Variants in CHRNA5 observed in about 807,000 individuals in gnomAD.
CHRNA5 encodes neuronal acetylcholine receptor subunit alpha-5.
Under a neutral mutation model 41.2 loss-of-function variants are expected in CHRNA5, and 28 were observed. The observed-to-expected ratio is 0.68, with a 90% CI of 0.50 to 0.93. CHRNA5 has a LOEUF of 0.93. Ranked by LOEUF, CHRNA5 falls within the 40% of genes least tolerant of loss-of-function variation. CHRNA5 has a pLI of 0.00. For synonymous variants in CHRNA5, 188 were observed against 205.8 expected (o/e 0.91, Z 0.74); for missense variants, 481 against 581.9 (o/e 0.83, Z 1.78).
At position 78,590,920 on chromosome 15, in the gene CHRNA5, C is replaced by T. The variant is rs2053007320; in HGVS notation, c.1245+284C>T. The T allele has an allele frequency of 8.2e-6, 3 of 364,618 alleles. No individual in the cohort carries two copies. The South Asian group carries it at 1.1e-4, about 13-fold the overall frequency. The allele number at this position is 364,618 out of a possible 1,614,324, so 22.6% of individuals were successfully genotyped here. ...TTAGTGTTATATTCTAAGGAATAAT[C>T]CTGCCATATTTCTTGGCTCTGACCT... On this transcript the variant is annotated intron_variant, in intron 5 of 5. Coordinates refer to ENST00000299565, the Ensembl canonical transcript of CHRNA5.
chr15:78,579,089 GAA>G (rs1394814866), intron 1 of CHRNA5, among the ~76,000 whole-genome samples: 1 of 149,452 alleles, frequency 6.7e-6, no homozygotes, highest in Non-Finnish European at 1.5e-5. Context: ...TTTTTTTGAA[GAA>G]ACAAGTTTCT....
chr15:78,579,903 A>G (rs992170884), intron 1 of CHRNA5, among the ~76,000 whole-genome samples: 5 of 152,210 alleles, frequency 3.3e-5, no homozygotes, highest in South Asian at 2.1e-4. Flanking sequence ...GCAGTTTTAT[A>G]CAAATGTATA....
chr15:78,568,301 A>G (rs1021517147), intron 1 of CHRNA5, among the ~76,000 whole-genome samples: 1 of 152,174 alleles, frequency 6.6e-6, no homozygotes, highest in Non-Finnish European at 1.5e-5. Context: ...TAGTACATCA[A>G]GATAATACAA....
chr15:78,587,236 G>A (rs1023485945), intron 3 of CHRNA5, among the ~76,000 whole-genome samples: 2 of 152,124 alleles, frequency 1.3e-5, no homozygotes, highest in African/African-American at 4.8e-5. Flanking sequence ...TTCTAGTGGG[G>A]GAAAAATAAA....
At chr15:78,574,015 A>C (rs1886152505) in intron 1 of CHRNA5, among the ~76,000 whole-genome samples, 1 of 129,358 alleles carries the variant, frequency 7.7e-6, no homozygotes, top group East Asian at 2.2e-4. Context: ...GGGTTTCACC[A>C]TGTTGGCCAG....
chr15:78,592,784 GAATA>G, intron 5 of CHRNA5, among the ~76,000 whole-genome samples: 1 of 152,148 alleles, frequency 6.6e-6, no homozygotes, highest in East Asian at 1.9e-4. Context: ...TATATAGTAA[GAATA>G]ATTTTTTTTA....
chr15:78,589,828 C>G (rs1321014916), exon 5 of CHRNA5: 1 of 1,596,416 alleles, frequency 6.3e-7, no homozygotes, highest in African/African-American at 1.4e-5. Context: ...TTTGAAGGGA[C>G]CAGTACGAAA....
At chr15:78,573,531 CGAATT>C (rs1458330848) in intron 1 of CHRNA5, among the ~76,000 whole-genome samples, 3 of 152,160 alleles carry the variant, frequency 2.0e-5, no homozygotes, top group Non-Finnish European at 2.9e-5. Context: ...GTTGAATTAA[CGAATT>C]GAACAAGATA....
chr15:78,582,484 CAAAAA>C (rs1226351992), intron 2 of CHRNA5, among the ~76,000 whole-genome samples: 3 of 103,002 alleles, frequency 2.9e-5, no homozygotes, highest in Non-Finnish European at 6.1e-5. Flanking sequence ...GACTCTGTCT[CAAAAA>C]AAAAAAGAAA....
At chr15:78,573,541 A>C (rs1392344712) in intron 1 of CHRNA5, among the ~76,000 whole-genome samples, 1 of 152,256 alleles carries the variant, frequency 6.6e-6, no homozygotes, top group Non-Finnish European at 1.5e-5. Flanking sequence ...CGAATTGAAC[A>C]AGATATCACG....
chr15:78,593,413 GTTGGCTGTATGACTGAAGTAA>G (rs1195602419), exon 6 of CHRNA5: 28 of 625,546 alleles, frequency 4.5e-5, no homozygotes, highest in Non-Finnish European at 6.2e-5. Flanking sequence ...CATTTGAACA[GTTGGCTGTATGACTGAAGTAA>G]TAACTGATGA....
At chr15:78,592,520 T>C (rs553388017) in intron 5 of CHRNA5, among the ~76,000 whole-genome samples, 36 of 152,248 alleles carry the variant, frequency 2.4e-4, no homozygotes, top group African/African-American at 8.4e-4. Context: ...TTCTTTTTCC[T>C]TGTGGTGGCT....
chr15:78,567,966 CTG>C (rs1284923282), intron 1 of CHRNA5, among the ~76,000 whole-genome samples: 4 of 152,198 alleles, frequency 2.6e-5, no homozygotes, highest in East Asian at 3.8e-4. Context: ...CACTCGCTGT[CTG>C]TGTTTCCTTG....
chr15:78,592,150 T>A (rs1222542705), intron 5 of CHRNA5, among the ~76,000 whole-genome samples: 10 of 152,084 alleles, frequency 6.6e-5, no homozygotes, highest in Non-Finnish European at 1.5e-4. Context: ...GGTGAAACAC[T>A]GTCTCTCCTA....
intron 1 of CHRNA5, among the ~76,000 whole-genome samples, chr15:78,573,427 T>C (rs143391126): frequency 5.2e-4 from 79 of 152,328 alleles, no homozygotes; most frequent in African/African-American, 1.8e-3. Flanking sequence ...ATGCAAGTTT[T>C]TACCCCAGGA....
chr15:78,574,400 C>T (rs1323371798), intron 1 of CHRNA5, among the ~76,000 whole-genome samples: 2 of 144,788 alleles, frequency 1.4e-5, no homozygotes, highest in Non-Finnish European at 3.1e-5. Context: ...AAAAAAAAAT[C>T]CTCAGGTATC....
chr15:78,583,673 C>T lies in CHRNA5; in HGVS notation c.258+2711C>T, dbSNP rs185062111. 2.0e-3 allele frequency among the ~76,000 whole-genome samples: 299 copies of T among 147,606 alleles called. 1 individual carries two copies. Among genetic ancestry groups the T allele is most frequent in the African/African-American group, 7.1e-3 (282 of 39,780 alleles). ...TTGCGCCACTGCACTCCAGCCTGGG[C>T]GACAGAGCGAGACTCTGTCTCAAAA... On this transcript the variant is annotated intron_variant, in intron 2 of 5. Transcript: ENST00000299565.
chr15:78,588,202 G>T lies in CHRNA5; in HGVS notation c.304-112G>T. 3 of 540,572 alleles carry T rather than the reference G, an allele frequency of 5.5e-6. No homozygotes were observed. Among genetic ancestry groups the T allele is most frequent in the Non-Finnish European group, 6.6e-6 (2 of 301,810 alleles). 33.5% of individuals were successfully genotyped at this position (540,572 alleles called of 1,614,324 possible). On this transcript the variant is annotated intron_variant, in intron 3 of 5. Coordinates refer to ENST00000299565, the Ensembl canonical transcript of CHRNA5. The surrounding 1 kb of genome is among the most constrained non-coding windows in gnomAD (Gnocchi z 4.1). ...AAAGACAGGGAGGTGTTCTCTATTGGGGGTAGAGATGATCTCATGTCTAAA... is the reference window on the plus strand; with the variant it reads ...AAAGACAGGGAGGTGTTCTCTATTGTGGGTAGAGATGATCTCATGTCTAAA...
intron 1 of CHRNA5, among the ~76,000 whole-genome samples, chr15:78,580,279 C>CAAAAAAAAA (rs71148541): frequency 6.5e-5 from 4 of 61,994 alleles, no homozygotes; most frequent in African/African-American, 2.4e-4. Context: ...GACTCCGTCT[C>CAAAAAAAAA]AAAAAAAAAA....
Sources: gnomAD v4.1 joint callset for allele counts (sites outside exome capture counted in the v4.1 genomes callset) on GRCh38, gnomAD v4.1.1 for gene constraint, Gnocchi (gnomAD v3.1) non-coding constraint, MANE v1.5 for transcripts, NCBI Gene and HGNC (gene_info 2026-07-23, HGNC 2026-07-21) for gene names.